Variants in ANO6 observed in about 807,000 individuals in gnomAD.
The protein encoded by ANO6 is anoctamin 6.
In ANO6, 106 loss-of-function variants were observed where a neutral mutation model predicts 117.5. The observed-to-expected ratio is 0.90, with a 90% confidence interval of 0.77 to 1.06. The LOEUF (loss-of-function observed/expected upper bound fraction) is 1.06. Ranked by LOEUF, ANO6 falls within the 50% of genes least tolerant of loss-of-function variation. The pLI is 0.00. For synonymous variants in ANO6, 367 were observed against 385.1 expected, an observed-to-expected ratio of 0.95 and a Z score of 0.55; for missense variants, 955 against 1,121.1, an observed-to-expected ratio of 0.85 and a Z score of 2.12.
rs993606232 is a variant in ANO6 at position 45,440,014 on chromosome 12, G to C, written c.*76G>C. On this transcript the variant is annotated 3_prime_UTR_variant, in exon 20 of 20. Coordinates refer to the ANO6 transcript ENST00000425752. ...AGCATTGTTTCATGTGCTCAAGATA[G>C]AGTAGCATTGTTTGGCTCATTAATA... is the stretch of plus-strand genomic sequence containing the variant. 54 of 1,343,682 alleles carry C rather than the reference G, an allele frequency of 4.0e-5. No individual in the cohort carries two copies. The East Asian group carries it at 5.1e-4, about 13-fold the overall frequency. The allele number at this position is 1,343,682 out of a possible 1,614,324, so 83.2% of individuals were successfully genotyped here. A position where few individuals can be genotyped will look rare whatever the true frequency, so the allele number is the denominator to read the frequency against.
At position 45,372,085 on chromosome 12, in the gene ANO6, G is replaced by A. The variant is rs1435060764; in HGVS notation, c.1104+4292G>A. 2.8e-5 allele frequency among the ~76,000 whole-genome samples: 4 copies of A among 142,806 alleles called. No individual in the cohort carries two copies. In the East Asian group the frequency reaches 7.7e-4, roughly 27 times the overall value. The allele number at this position is 142,806 out of a possible 152,430, so 93.7% of individuals were successfully genotyped here. A position where few individuals can be genotyped will look rare whatever the true frequency, so the allele number is the denominator to read the frequency against. On this transcript the variant is annotated intron_variant, in intron 9 of 19. Coordinates refer to ENST00000320560, the MANE Select transcript of ANO6 (RefSeq NM_001025356.3). ...GAATGCAGAAGCCTCAGGAGCTGAT[G>A]CGATCAACTGGAAGAAAGGGTATCA... is the stretch of plus-strand genomic sequence containing the variant.
chr12:45,244,882 G>A (rs952049097), intron 1 of ANO6, among the ~76,000 whole-genome samples: 4 of 152,204 alleles, frequency 2.6e-5, no homozygotes, highest in African/African-American at 9.7e-5. Context: ...TTTGGTCATA[G>A]CAGGGATGGA....
chr12:45,429,663 G>A lies in ANO6; in HGVS notation c.*352G>A. On this transcript the variant is annotated 3_prime_UTR_variant, in exon 20 of 20. Coordinates refer to ENST00000320560, the MANE Select transcript of ANO6 (RefSeq NM_001025356.3). ...TTATTTTCATTTCTGTCTATTCTCA[G>A]GCGCATGATCTCCTTTATTTTTAAG... The A allele has an allele frequency of 1.8e-6, 2 of 1,136,928 alleles. No individual in the cohort carries two copies. Among genetic ancestry groups the A allele is most frequent in the South Asian group, 2.1e-5 (1 of 47,890 alleles). 70.4% of individuals were successfully genotyped at this position (1,136,928 alleles called of 1,614,324 possible).
chr12:45,227,627 T>C (rs1172073978), intron 1 of ANO6, among the ~76,000 whole-genome samples: 1 of 152,200 alleles, frequency 6.6e-6, no homozygotes, highest in Non-Finnish European at 1.5e-5. Flanking sequence ...CTTTTTCTTT[T>C]TTTTTTAGAT....
Position 45,420,018 on chromosome 12 carries a change from ATTGT to A in ANO6, c.2218-1049_2218-1046del, listed in dbSNP as rs540120738. Among the ~76,000 whole-genome samples the A allele has an allele frequency of 7.9e-5, 12 of 151,654 alleles. No homozygotes were observed. In the East Asian group the frequency reaches 2.3e-3, roughly 29 times the overall value. The stretch of plus-strand genomic sequence containing the variant: ...TACTAGATCAGACTAAACAGACATT[ATTGT>A]TTGACTATGAATGGGACAACCCCAA... On this transcript the variant is annotated intron_variant, in intron 17 of 19. Coordinates refer to ENST00000320560, the MANE Select transcript of ANO6 (RefSeq NM_001025356.3).
At chr12:45,226,426 G>A (rs1433949977) in intron 1 of ANO6, among the ~76,000 whole-genome samples, 28 of 150,048 alleles carry the variant, frequency 1.9e-4, no homozygotes, top group Non-Finnish European at 2.1e-4. Flanking sequence ...ACTTGAAATT[G>A]AAAAAAAAAG....
At chr12:45,323,664 T>G (rs191484516) in intron 2 of ANO6, among the ~76,000 whole-genome samples, 164 of 152,280 alleles carry the variant, frequency 1.1e-3, no homozygotes, top group African/African-American at 3.7e-3. Flanking sequence ...ATGAGTCAGT[T>G]TAGTTTTAAA....
intron 2 of ANO6, among the ~76,000 whole-genome samples, chr12:45,315,237 T>G (rs1470055391): frequency 6.6e-6 from 1 of 152,068 alleles, no homozygotes; most frequent in Non-Finnish European, 1.5e-5. Flanking sequence ...TAATTAATTC[T>G]TATTCATGTA....
At chr12:45,259,976 G>A (rs778286986) in intron 1 of ANO6, among the ~76,000 whole-genome samples, 67 of 152,284 alleles carry the variant, frequency 4.4e-4, no homozygotes, top group Admixed American at 9.8e-4. Context: ...CCAACTCCTC[G>A]AATCCTGCCC....
intron 3 of ANO6, among the ~76,000 whole-genome samples, chr12:45,334,670 A>T (rs1940773391): frequency 6.6e-6 from 1 of 152,074 alleles, no homozygotes; most frequent in Non-Finnish European, 1.5e-5. Flanking sequence ...TGATCACAGA[A>T]TACCTAAAGA....
At chr12:45,222,516 G>A (rs1461709649) in intron 1 of ANO6, among the ~76,000 whole-genome samples, 6 of 152,026 alleles carry the variant, frequency 3.9e-5, no homozygotes, top group Non-Finnish European at 5.9e-5. Flanking sequence ...GTGGTTCCCT[G>A]TGATATTATG....
intron 2 of ANO6, among the ~76,000 whole-genome samples, chr12:45,316,631 C>G (rs542175186): frequency 6.6e-6 from 1 of 152,030 alleles, no homozygotes; most frequent in Non-Finnish European, 1.5e-5. Context: ...ATATTAAATA[C>G]TTGGACATGT....
chr12:45,223,856 C>T (rs555186936), intron 1 of ANO6, among the ~76,000 whole-genome samples: 3 of 152,292 alleles, frequency 2.0e-5, no homozygotes, highest in Middle Eastern at 6.8e-3. Context: ...TCCCTCATGG[C>T]ACCTTGGTAG....
intron 1 of ANO6, among the ~76,000 whole-genome samples, chr12:45,230,937 G>A (rs1407914063): frequency 6.6e-6 from 1 of 152,058 alleles, no homozygotes; most frequent in South Asian, 2.1e-4. Flanking sequence ...ACGAAACCTT[G>A]TCTCTACAAA....
chr12:45,222,898 G>A (rs886795362), intron 1 of ANO6, among the ~76,000 whole-genome samples: 2 of 152,176 alleles, frequency 1.3e-5, no homozygotes, highest in Non-Finnish European at 2.9e-5. Flanking sequence ...GTATTAAATC[G>A]TATGCTTTTT....
At chr12:45,366,367 A>C (rs759528162) in intron 8 of ANO6, among the ~76,000 whole-genome samples, 7 of 151,566 alleles carry the variant, frequency 4.6e-5, no homozygotes, top group Non-Finnish European at 7.4e-5. Flanking sequence ...TTTTTTTCTA[A>C]TAAGTTGGTA....
Position 45,403,423 on chromosome 12 carries a change from C to A in ANO6, c.1783-16C>A. On this transcript the variant is annotated splice_polypyrimidine_tract_variant and intron_variant, in intron 14 of 19. Coordinates refer to ENST00000320560, the MANE Select transcript of ANO6 (RefSeq NM_001025356.3). Reference sequence around the variant, plus strand: ...CCATTGAATATTTAAATGGTATTTTCTTTTTAACCTTCTAGTGTGACCCAG... The same window carrying A: ...CCATTGAATATTTAAATGGTATTTTATTTTTAACCTTCTAGTGTGACCCAG... 4 of 1,600,372 alleles carry A rather than the reference C, an allele frequency of 2.5e-6. No homozygotes were observed. The highest frequency in any genetic ancestry group is 3.4e-6 in the Non-Finnish European group (4 of 1,167,682).
At chr12:45,249,528 A>C (rs1947872217) in intron 1 of ANO6, among the ~76,000 whole-genome samples, 1 of 152,198 alleles carries the variant, frequency 6.6e-6, no homozygotes, top group African/African-American at 2.4e-5. Flanking sequence ...TTAGTGTTTT[A>C]CTGATAAATA....
At chr12:45,347,374 A>G (rs1941163589) in intron 4 of ANO6, 1 of 405,264 alleles carries the variant, frequency 2.5e-6, no homozygotes, top group Non-Finnish European at 4.4e-6. Flanking sequence ...TATACAAAAA[A>G]TAGTTTATGG....
Sources: gnomAD v4.1 joint callset for allele counts (sites outside exome capture counted in the v4.1 genomes callset) on GRCh38, gnomAD v4.1.1 for gene constraint, MANE v1.5 for transcripts, NCBI Gene and HGNC (gene_info 2026-07-23, HGNC 2026-07-21) for gene names.